The following RBMS1 variants were observed in gnomAD, a reference collection of about 807,000 sequenced individuals.
The protein encoded by RBMS1 is RNA-binding motif, single-stranded-interacting protein 1.
RBMS1 carries 17 observed loss-of-function variants against 62.3 expected under a neutral mutation model. That is an observed-to-expected ratio of 0.27 (90% CI 0.19 to 0.41). The LOEUF is 0.41. RBMS1 is among the 10% of genes least tolerant of loss of function. The pLI, the probability that RBMS1 is intolerant of heterozygous loss-of-function variation, is 1.00. For synonymous variants in RBMS1, 172 were observed against 170.0 expected (o/e 1.01, Z -0.09); for missense variants, 334 against 504.5 (o/e 0.66, Z 3.24).
chr2:160,323,793 T>G (rs1288882551), intron 2 of RBMS1, among the ~76,000 whole-genome samples: 1 of 152,130 alleles, frequency 6.6e-6, no homozygotes, highest in Admixed American at 6.5e-5. Flanking sequence ...GAGACATGAC[T>G]ATATAATAAT....
At chr2:160,327,620 C>T (rs189170087) in intron 2 of RBMS1, among the ~76,000 whole-genome samples, 8 of 152,130 alleles carry the variant, frequency 5.3e-5, no homozygotes, top group Non-Finnish European at 1.0e-4. Context: ...CACAAAAGGT[C>T]ATTTACATTA....
At chr2:160,431,530 AC>A (rs1038613327) in intron 1 of RBMS1, among the ~76,000 whole-genome samples, 1 of 152,132 alleles carries the variant, frequency 6.6e-6, no homozygotes, top group African/African-American at 2.4e-5. Flanking sequence ...TCTACTTGAT[AC>A]CTTCCAAAGT....
intron 1 of RBMS1, among the ~76,000 whole-genome samples, chr2:160,412,377 T>C (rs560835318): frequency 6.6e-6 from 1 of 152,306 alleles, no homozygotes; most frequent in Non-Finnish European, 1.5e-5. Context: ...GTTATAAGCC[T>C]CAATGTACAG....
chr2:160,446,596 G>A (rs949097940), intron 1 of RBMS1, among the ~76,000 whole-genome samples: 1 of 152,138 alleles, frequency 6.6e-6, no homozygotes, highest in Non-Finnish European at 1.5e-5. Flanking sequence ...CAATGGAAGG[G>A]TCTAAGATAT....
intron 1 of RBMS1, among the ~76,000 whole-genome samples, chr2:160,487,737 T>C (rs1035247923): frequency 6.6e-6 from 1 of 152,246 alleles, no homozygotes; most frequent in African/African-American, 2.4e-5. Flanking sequence ...TAGGTTTTCA[T>C]ATTCAATGTC....
chr2:160,443,408 C>T (rs1404478597), intron 1 of RBMS1, among the ~76,000 whole-genome samples: 2 of 152,128 alleles, frequency 1.3e-5, no homozygotes, highest in African/African-American at 2.4e-5. Context: ...GAAATGTGAT[C>T]TCCAATGTTG....
intron 2 of RBMS1, among the ~76,000 whole-genome samples, chr2:160,326,035 C>T (rs1486613453): frequency 6.6e-6 from 1 of 152,044 alleles, no homozygotes; most frequent in African/African-American, 2.4e-5. Context: ...GCTGAGTGTA[C>T]CTTTATGAAT....
intron 1 of RBMS1, among the ~76,000 whole-genome samples, chr2:160,478,309 G>T (rs1685226691): frequency 6.6e-6 from 1 of 152,218 alleles, no homozygotes; most frequent in Non-Finnish European, 1.5e-5. Flanking sequence ...CACGGTGAAG[G>T]ACGCTTAAAA....
chr2:160,361,940 T>G (rs1474196728), intron 2 of RBMS1, among the ~76,000 whole-genome samples: 1 of 152,242 alleles, frequency 6.6e-6, no homozygotes, highest in Admixed American at 6.5e-5. Flanking sequence ...GGCTGCTGAC[T>G]GATCAGAGTG....
chr2:160,364,867 C>G (rs1274481961), intron 2 of RBMS1, among the ~76,000 whole-genome samples: 1 of 152,144 alleles, frequency 6.6e-6, no homozygotes, highest in Admixed American at 6.5e-5. Flanking sequence ...TCGTTACCCC[C>G]CTAATTCAGC....
chr2:160,439,164 C>G (rs1296434427), intron 1 of RBMS1, among the ~76,000 whole-genome samples: 1 of 150,762 alleles, frequency 6.6e-6, no homozygotes, highest in African/African-American at 2.4e-5. Context: ...CACCTCCCTC[C>G]CGGACGGGGC....
At chr2:160,349,115 T>C (rs907032242) in intron 2 of RBMS1, among the ~76,000 whole-genome samples, 4 of 152,084 alleles carry the variant, frequency 2.6e-5, no homozygotes, top group Non-Finnish European at 4.4e-5. Flanking sequence ...AGTGGTTGTA[T>C]TGTATAGGGA....
At chr2:160,453,596 TC>T (rs553389872) in intron 1 of RBMS1, among the ~76,000 whole-genome samples, 1 of 152,086 alleles carries the variant, frequency 6.6e-6, no homozygotes, top group Non-Finnish European at 1.5e-5. Flanking sequence ...TTATGTCACT[TC>T]CCCCTCACTC....
intron 1 of RBMS1, among the ~76,000 whole-genome samples, chr2:160,382,009 A>C (rs1573968837): frequency 6.6e-6 from 1 of 152,132 alleles, no homozygotes; most frequent in Non-Finnish European, 1.5e-5. Flanking sequence ...AATCTCCCCT[A>C]CCAGCCTGTC....
rs72974999 is a variant in RBMS1 at position 160,406,977 on chromosome 2, T to C, written c.76-39586A>G. ...GAAGTTCCTGTTTCTTTCTCTTTTT[T>C]TTTCTTTAAATGAGGGGGGCGCGCG... On this transcript the variant is annotated intron_variant, in intron 1 of 13. Coordinates refer to ENST00000348849, the MANE Select transcript of RBMS1 (RefSeq NM_016836.4). Among the ~76,000 whole-genome samples, 540 of 152,230 alleles carry C rather than the reference T, an allele frequency of 3.5e-3. 2 individuals are homozygous for C. The highest frequency in any genetic ancestry group is 6.0e-3 in the Non-Finnish European group (408 of 68,010).
chr2:160,343,769 A>G (rs989357581), intron 2 of RBMS1, among the ~76,000 whole-genome samples: 1 of 152,188 alleles, frequency 6.6e-6, no homozygotes, highest in Non-Finnish European at 1.5e-5. Flanking sequence ...ACCTAAAAAT[A>G]AACTATCCAG....
intron 2 of RBMS1, among the ~76,000 whole-genome samples, chr2:160,361,621 C>T (rs77837568): frequency 0.014 from 2,155 of 152,198 alleles, 62 homozygotes; most frequent in African/African-American, 0.048. Context: ...TATGTAATAA[C>T]ATTATGTCTA....
Position 160,313,146 on chromosome 2 carries a change from C to T in RBMS1, c.402+10G>A, listed in dbSNP as rs747343156. 1.1e-5 allele frequency: 17 copies of T among 1,612,088 alleles called. No individual in the cohort carries two copies. Among genetic ancestry groups the T allele is most frequent in the Non-Finnish European group, 1.4e-5 (17 of 1,178,848 alleles). On this transcript the variant is annotated intron_variant, in intron 4 of 13. Transcript: ENST00000348849. ...TGGAACAGAGAAGCAATTGCTGGCT[C>T]TCAACTCACCTTTGCCATTTGAGCT...
Position 160,493,551 on chromosome 2 carries a change from C to CTCCTCT in RBMS1, c.-189_-188insAGAGGA. On this transcript the variant is annotated 5_prime_UTR_variant, in exon 1 of 14. Coordinates refer to ENST00000348849, the MANE Select transcript of RBMS1 (RefSeq NM_016836.4). ...CCTCCTCCTCCTCCTCTTCCTCCTCCTCCTCCTCCTCCTCCTCCTCTTCCT... is the reference window on the plus strand; with the variant it reads ...CCTCCTCCTCCTCCTCTTCCTCCTCCTCCTCTTCCTCCTCCTCCTCCTCCTCTTCCT... The CTCCTCT allele has an allele frequency of 1.6e-6, 1 of 616,016 alleles. No homozygotes were observed. 38.2% of individuals were successfully genotyped at this position (616,016 alleles called of 1,614,324 possible).
Sources: allele counts gnomAD v4.1 joint callset (sites outside exome capture counted in the v4.1 genomes callset), GRCh38; gene constraint gnomAD v4.1.1; transcripts MANE v1.5; gene names NCBI Gene and HGNC (gene_info 2026-07-23, HGNC 2026-07-21).